Variants in RBBP8NL observed in about 807,000 individuals in gnomAD.
RBBP8NL encodes the protein RBBP8 N-terminal like, also known as RBBP8 N-terminal-like protein.
Under a neutral mutation model 62.2 loss-of-function variants are expected in RBBP8NL, and 59 were observed. The ratio of observed to expected loss-of-function variants is 0.95; its 90% CI spans 0.77 to 1.18. The LOEUF (loss-of-function observed/expected upper bound fraction) is 1.18, where lower values mean the gene tolerates loss of function less well. RBBP8NL is among the 50% of genes most tolerant of loss of function. RBBP8NL has a pLI of 0.00. For missense variants in RBBP8NL, 896 were observed against 899.5 expected, an observed-to-expected ratio of 1.00 and a Z score of 0.05; for synonymous variants, 412 against 394.1, an observed-to-expected ratio of 1.05 and a Z score of -0.54.
intron 1 of RBBP8NL, among the ~76,000 whole-genome samples, chr20:62,421,405 G>A (rs941756147): frequency 3.0e-4 from 38 of 125,122 alleles, no homozygotes; most frequent in South Asian, 1.5e-3. Context: ...CAGTGTGCGT[G>A]AGTGTGCGTG....
At chr20:62,416,294 T>TGGGGTGGGGGGGTGGGGGGGGGGGGGGG in intron 5 of RBBP8NL, 58 bp from the exon 6 acceptor site, 1 of 515,308 alleles carries the variant, frequency 1.9e-6, no homozygotes, top group Non-Finnish European at 3.8e-6. Context: ...GGGGCAGGGG[T>TGGGGTGGGGGGGTGGGGGGGGGGGGGGG]GGGGTCGTCA....
In RBBP8NL at chr20:62,410,696, A is replaced by C; in HGVS notation, c.*182T>G. ...GCTGGTTGGGTGGTGTGCCCTCTCC[A>C]GGCTGTGGTGAGCAGGCAGAGAGCT... On this transcript the variant is annotated 3_prime_UTR_variant, in exon 14 of 14. Transcript: ENST00000252998. 1 of 622,346 alleles carries C rather than the reference A, an allele frequency of 1.6e-6. No homozygotes were observed. The highest frequency in any genetic ancestry group is 1.8e-5 in the African/African-American group (1 of 54,590). 38.6% of individuals were successfully genotyped at this position (622,346 alleles called of 1,614,324 possible). A position where few individuals can be genotyped will look rare whatever the true frequency, so the allele number is the denominator to read the frequency against.
chr20:62,414,222 C>T lies in RBBP8NL; in HGVS notation c.1129G>A (p.Gly377Ser). The T allele has an allele frequency of 6.2e-7, 1 of 1,604,492 alleles. No individual in the cohort carries two copies. The highest frequency in any genetic ancestry group is 8.5e-7 in the Non-Finnish European group (1 of 1,176,678). Residue 377 changes from glycine (G) to serine (S), a missense_variant, in exon 10 of 14, where the codon GGC (glycine) becomes AGC (serine). Transcript: ENST00000252998. ...AGCATCTCCCCGGGTGTGGGCTGGC[C>T]CCTTGGCCTGACACTGCCTGCCCTG... is the stretch of plus-strand genomic sequence containing the variant. ...RARAGSVRPR[G>S]QPTPGEMLPS...
In RBBP8NL at chr20:62,416,240, CA is replaced by C; in HGVS notation, c.314-5del. 1.5e-6 allele frequency: 2 copies of C among 1,335,588 alleles called. No individual in the cohort carries two copies. The highest frequency in any genetic ancestry group is 1.2e-5 in the South Asian group (1 of 86,910). 82.7% of individuals were successfully genotyped at this position (1,335,588 alleles called of 1,614,324 possible). A position where few individuals can be genotyped will look rare whatever the true frequency, so the allele number is the denominator to read the frequency against. On this transcript the variant is annotated splice_region_variant and splice_polypyrimidine_tract_variant and intron_variant, in intron 5 of 13. Coordinates refer to ENST00000252998, the MANE Select transcript of RBBP8NL (RefSeq NM_080833.3). ...TTCAGCCCGTTCATCTCGTTGGCTGCAAAAGGCACTGATGAGCAAAGCAGCC... is the reference window on the plus strand; with the variant it reads ...TTCAGCCCGTTCATCTCGTTGGCTGCAAAGGCACTGATGAGCAAAGCAGCC...
chr20:62,414,680 G>T, intron 9 of RBBP8NL, 124 bp from the exon 10 acceptor site: 1 of 1,120,830 alleles, frequency 8.9e-7, no homozygotes, highest in Non-Finnish European at 1.2e-6. Flanking sequence ...CCAGAGAGGT[G>T]CAGCAAGCTG....
In RBBP8NL at chr20:62,415,200, C is replaced by G; in HGVS notation, c.715G>C (p.Ala239Pro). 6.6e-7 allele frequency: 1 copy of G among 1,514,684 alleles called. No individual in the cohort carries two copies. 93.8% of individuals were successfully genotyped at this position (1,514,684 alleles called of 1,614,324 possible). Reference protein sequence around the residue: ...SQACPADRGPANGTPPPLPAR... With the variant: ...SQACPADRGPPNGTPPPLPAR... ...GGCAGTGGTGGGGGCGTCCCATTGG[C>G]GGGGCCTCGGTCGGCAGGGCAAGCC... is the stretch of plus-strand genomic sequence containing the variant. Residue 239 changes from alanine to proline, a missense_variant, in exon 9 of 14, where the codon GCC (alanine) becomes CCC (proline). Ala to Pro is a conservative substitution (Grantham distance 27, BLOSUM62 -1). Coordinates refer to ENST00000252998, the MANE Select transcript of RBBP8NL (RefSeq NM_080833.3).
At chr20:62,416,644 T>C (rs574514985) in intron 5 of RBBP8NL, 116 bp downstream of exon 5, 2 of 688,522 alleles carry the variant, frequency 2.9e-6, no homozygotes, top group Admixed American at 2.5e-5. Flanking sequence ...GTTCCCCCAG[T>C]GGTGTGGGGC....
chr20:62,411,547 G>T (rs1490138284), intron 13 of RBBP8NL, among the ~76,000 whole-genome samples: 5 of 152,256 alleles, frequency 3.3e-5, no homozygotes, highest in Non-Finnish European at 7.3e-5. Context: ...CAGCCAAACA[G>T]TGATGATCCT....
chr20:62,413,823 T>C lies in RBBP8NL; in HGVS notation c.1528A>G (p.Met510Val), dbSNP rs781371012. 6.3e-7 allele frequency: 1 copy of C among 1,595,742 alleles called. No individual in the cohort carries two copies. The highest frequency in any genetic ancestry group is 1.7e-5 in the Admixed American group (1 of 57,712). The change falls in exon 10 of 14, where the codon ATG (methionine) becomes GTG (valine). Residue 510 changes from methionine (M) to valine (V), a missense_variant and splice_region_variant. By Grantham distance (21) the Met-to-Val change is conservative. Transcript: ENST00000252998. ...VPEQEEASTPMDPSRPLPGSQ... is the reference protein window; with the variant it reads ...VPEQEEASTPVDPSRPLPGSQ... ...TGAGCCAGGACCGGGCTCCTTACCA[T>C]GGGAGTGGAAGCCTCCTCCTGCTCT...
intron 3 of RBBP8NL, among the ~76,000 whole-genome samples, chr20:62,417,663 A>AC (rs1410633737): frequency 4.1e-4 from 23 of 55,656 alleles, no homozygotes; most frequent in South Asian, 2.2e-3. Context: ...CCGTCCACGC[A>AC]CCCCCCCCAG....
chr20:62,412,681 C>T lies in RBBP8NL; in HGVS notation c.1819G>A (p.Glu607Lys), dbSNP rs6089366. 209,277 of 1,608,706 alleles carry T rather than the reference C, an allele frequency of 0.13. 15,338 individuals are homozygous for T. The highest frequency in any genetic ancestry group is 0.17 in the Middle Eastern group (1,050 of 6,032). The stretch of plus-strand genomic sequence containing the variant: ...TTCCGTGGTGGACCCTGCCCGTGCT[C>T]CTGGGTGCAGATGCACTCAGGCCCC... ...GEGPECICTQ[E>K]HGQGPPRKRK... is the part of the protein sequence containing the mutation. The change falls in exon 13 of 14, where the codon GAG becomes AAG. Residue 607 changes from glutamate (E) to lysine (K), a missense_variant. Glu to Lys is a moderately conservative substitution (Grantham distance 56, BLOSUM62 1). Transcript: ENST00000252998.
At chr20:62,418,118 C>G (rs1302199046) in intron 3 of RBBP8NL, among the ~76,000 whole-genome samples, 1 of 152,210 alleles carries the variant, frequency 6.6e-6, no homozygotes, top group Non-Finnish European at 1.5e-5. Flanking sequence ...CAGTGTCTGA[C>G]CAGACATGAC....
intron 5 of RBBP8NL, 139 bp from the exon 6 acceptor site, chr20:62,416,375 G>A (rs902406415): frequency 1.1e-5 from 8 of 745,270 alleles, no homozygotes; most frequent in Middle Eastern, 3.6e-4. Context: ...CAGGGGCGCC[G>A]TGGATGCTGG....
intron 5 of RBBP8NL, 58 bp from the exon 6 acceptor site, chr20:62,416,294 T>TGGGGGGGGGGGGG: frequency 7.4e-5 from 38 of 515,212 alleles, no homozygotes; most frequent in Middle Eastern, 5.0e-4. Context: ...GGGGCAGGGG[T>TGGGGGGGGGGGGG]GGGGTCGTCA....
chr20:62,417,438 A>G, intron 3 of RBBP8NL, 119 bp from the exon 4 acceptor site: 3 of 711,880 alleles, frequency 4.2e-6, no homozygotes, highest in African/African-American at 2.6e-5. Context: ...TCTGGGGGCA[A>G]CGCCTAACCC....
At chr20:62,414,617 C>A in intron 9 of RBBP8NL, 61 bp from the exon 10 acceptor site, 2 of 1,378,906 alleles carry the variant, frequency 1.5e-6, no homozygotes, top group East Asian at 2.7e-5. Context: ...TCCCAGCGAG[C>A]CCTGAGAGGG....
At position 62,410,489 on chromosome 20, in the gene RBBP8NL, G is replaced by A. The variant is rs111283044; in HGVS notation, c.*389C>T. 2,764 of 214,050 alleles carry A rather than the reference G, an allele frequency of 0.013. 85 individuals are homozygous for A. Among genetic ancestry groups the A allele is most frequent in the African/African-American group, 0.06 (2,618 of 43,532 alleles). 13.3% of individuals were successfully genotyped at this position (214,050 alleles called of 1,614,324 possible). On this transcript the variant is annotated 3_prime_UTR_variant, in exon 14 of 14. Coordinates refer to ENST00000252998, the MANE Select transcript of RBBP8NL (RefSeq NM_080833.3). The stretch of plus-strand genomic sequence containing the variant: ...GGGGTAGGGCTGGGCTGGAGCCTGA[G>A]TGATCCCGCCTCCAGTCCCCACACC...
intron 4 of RBBP8NL, 40 bp from the exon 5 acceptor site, chr20:62,416,912 G>A (rs530690016): frequency 9.7e-6 from 14 of 1,445,438 alleles, no homozygotes; most frequent in Admixed American, 7.9e-5. Flanking sequence ...GGGATGGCAC[G>A]GAAGCCACAG....
intron 1 of RBBP8NL, among the ~76,000 whole-genome samples, chr20:62,425,472 C>T (rs2427335): frequency 0.28 from 43,193 of 152,154 alleles, 6,433 homozygotes; most frequent in South Asian, 0.43. Context: ...CACCTGCCTC[C>T]CACACACAGG....
Sources: gnomAD v4.1 joint callset for allele counts (sites outside exome capture counted in the v4.1 genomes callset) on GRCh38, gnomAD v4.1.1 for gene constraint, MANE v1.5 for transcripts, NCBI Gene and HGNC (gene_info 2026-07-23, HGNC 2026-07-21) for gene names.